SH3PXD2B: variants seen among roughly 807,000 people sequenced by gnomAD.
SH3PXD2B encodes SH3 and PX domain-containing protein 2B.
In SH3PXD2B, 37 loss-of-function variants were observed where a neutral mutation model predicts 73.1. That is an observed-to-expected ratio of 0.51 (90% CI 0.39 to 0.67). SH3PXD2B has a LOEUF of 0.67. Ranked by LOEUF, SH3PXD2B falls within the 30% of genes least tolerant of loss-of-function variation. SH3PXD2B has a pLI of 0.00. For synonymous variants in SH3PXD2B, 457 were observed against 480.5 expected, an observed-to-expected ratio of 0.95 and a Z score of 0.64; for missense variants, 1,053 against 1,197.8, an observed-to-expected ratio of 0.88 and a Z score of 1.78.
At chr5:172,363,694 C>T (rs372271627) in intron 6 of SH3PXD2B, among the ~76,000 whole-genome samples, 172 of 151,952 alleles carry the variant, frequency 1.1e-3, no homozygotes, top group African/African-American at 3.9e-3. Context: ...TTGGGGTCTT[C>T]GGGACTGGAA....
At chr5:172,430,176 A>C (rs1348030661) in intron 1 of SH3PXD2B, among the ~76,000 whole-genome samples, 1 of 152,218 alleles carries the variant, frequency 6.6e-6, no homozygotes, top group Non-Finnish European at 1.5e-5. Flanking sequence ...CCATAAAGAG[A>C]AACTGTCAGC....
intron 1 of SH3PXD2B, among the ~76,000 whole-genome samples, chr5:172,439,690 G>GCACACACACACACACACA (rs1488784600): frequency 6.2e-4 from 70 of 113,220 alleles, no homozygotes; most frequent in South Asian, 1.4e-3. Context: ...GCGCACGCGC[G>GCACACACACACACACACA]CGCACACACA....
At chr5:172,348,915 G>A (rs768440092) in intron 10 of SH3PXD2B, among the ~76,000 whole-genome samples, 4 of 151,878 alleles carry the variant, frequency 2.6e-5, no homozygotes, top group Non-Finnish European at 5.9e-5. Context: ...GTCTCACTAT[G>A]TTGCCCAGGC....
At chr5:172,349,486 C>T (rs527654903) in intron 10 of SH3PXD2B, among the ~76,000 whole-genome samples, 7 of 152,218 alleles carry the variant, frequency 4.6e-5, no homozygotes, top group South Asian at 2.1e-4. Flanking sequence ...AAAATATACA[C>T]GAGGAGGCTT....
chr5:172,419,940 C>G (rs556650524), intron 2 of SH3PXD2B, among the ~76,000 whole-genome samples: 1 of 152,346 alleles, frequency 6.6e-6, no homozygotes, highest in Admixed American at 6.5e-5. Flanking sequence ...CTAACACTCA[C>G]TCTTTGAAGA....
chr5:172,381,920 G>A, intron 5 of SH3PXD2B, 116 bp downstream of exon 5: 1 of 725,560 alleles, frequency 1.4e-6, no homozygotes, highest in Non-Finnish European at 2.4e-6. Context: ...CGGTCTCACA[G>A]GGGCTCAGCC....
At position 172,336,312 on chromosome 5, in the gene SH3PXD2B, A is replaced by G. The variant is rs28639552; in HGVS notation, c.*2057T>C. ...GAAAACTGCCATGGGGCCTCCTCTC[A>G]AGGGAGGGGACCCTCAAGCGGTGGC... On this transcript the variant is annotated 3_prime_UTR_variant, in exon 13 of 13. Transcript: ENST00000311601. The G allele has an allele frequency of 0.012, 12,185 of 985,480 alleles. 495 individuals are homozygous for G. In the African/African-American group the frequency reaches 0.13, roughly 10 times the overall value. The allele number at this position is 985,480 out of a possible 1,614,324, so 61.0% of individuals were successfully genotyped here.
At position 172,338,013 on chromosome 5, in the gene SH3PXD2B, G is replaced by A; in HGVS notation, c.*356C>T. 2.5e-6 allele frequency: 3 copies of A among 1,209,320 alleles called. No homozygotes were observed. Among genetic ancestry groups the A allele is most frequent in the Non-Finnish European group, 3.1e-6 (3 of 963,340 alleles). 74.9% of individuals were successfully genotyped at this position (1,209,320 alleles called of 1,614,324 possible). ...TCCAAGCCATGAGAGACCCTTGCTG[G>A]AGTTTCTCCAGGCAATGGGATCCAG... On this transcript the variant is annotated 3_prime_UTR_variant, in exon 13 of 13. Coordinates refer to ENST00000311601, the MANE Select transcript of SH3PXD2B (RefSeq NM_001017995.3). This position sits in a 1 kb window ranked among gnomAD's most constrained non-coding sequence, Gnocchi z 5.1.
intron 2 of SH3PXD2B, among the ~76,000 whole-genome samples, chr5:172,415,743 G>A (rs928086632): frequency 2.6e-5 from 4 of 152,190 alleles, no homozygotes; most frequent in Admixed American, 2.0e-4. Context: ...CTGCCTGGAT[G>A]CCAATTTCCT....
chr5:172,441,120 C>A (rs188631199), intron 1 of SH3PXD2B, among the ~76,000 whole-genome samples: 41 of 152,274 alleles, frequency 2.7e-4, no homozygotes, highest in Admixed American at 2.5e-3. Flanking sequence ...ATCCCAGGGG[C>A]TAGAGGATCT....
chr5:172,419,091 A>G (rs951548406), intron 2 of SH3PXD2B, among the ~76,000 whole-genome samples: 1 of 152,152 alleles, frequency 6.6e-6, no homozygotes, highest in African/African-American at 2.4e-5. Context: ...TACTATGCAG[A>G]TGAGGAGGCT....
intron 1 of SH3PXD2B, among the ~76,000 whole-genome samples, chr5:172,423,550 G>GC (rs1296185872): frequency 1.4e-5 from 2 of 145,930 alleles, no homozygotes; most frequent in African/African-American, 2.6e-5. Flanking sequence ...GGGGTTGGGG[G>GC]GGGGGGCGCA....
chr5:172,416,696 CTTTTTTTTTTTTTTT>C (rs202242720), intron 2 of SH3PXD2B, among the ~76,000 whole-genome samples: 31,441 of 64,630 alleles, frequency 0.49, 5,347 homozygotes, highest in East Asian at 0.69. Flanking sequence ...CTCTCTCTCT[CTTTTTTTTTTTTTTT>C]TTTTTTTTTT....
At chr5:172,358,953 C>T (rs1561902810) in intron 7 of SH3PXD2B, 76 bp from the exon 8 acceptor site, 2 of 1,358,066 alleles carry the variant, frequency 1.5e-6, no homozygotes, top group Admixed American at 1.9e-5. Flanking sequence ...ATAATCTATT[C>T]AGCCACTGTA....
chr5:172,351,716 GGC>G (rs1325141250), intron 9 of SH3PXD2B, among the ~76,000 whole-genome samples: 1 of 152,090 alleles, frequency 6.6e-6, no homozygotes, highest in Non-Finnish European at 1.5e-5. Flanking sequence ...CAGACCCAAT[GGC>G]AGGGCTGAAT....
At chr5:172,381,279 A>G (rs944211875) in intron 5 of SH3PXD2B, among the ~76,000 whole-genome samples, 6 of 151,998 alleles carry the variant, frequency 3.9e-5, no homozygotes, top group African/African-American at 7.3e-5. Flanking sequence ...GCCCAGACGG[A>G]CCCCAAACTC....
At position 172,346,199 on chromosome 5, in the gene SH3PXD2B, G is replaced by A; in HGVS notation, c.1125C>T (p.Thr375=). Residue 375 remains threonine (T), a synonymous_variant, in exon 12 of 13, where the codon ACC becomes ACT. Transcript: ENST00000311601. Reference sequence around the variant, plus strand: ...GGATGGTTGTCTGGAATTCGGCGATGGTGTAATACTCTTCCTCCACTTGGG... The same window carrying A: ...GGATGGTTGTCTGGAATTCGGCGATAGTGTAATACTCTTCCTCCACTTGGG... ...IPPQVEEEYY[T]IAEFQTTIPD... 6 of 1,614,162 alleles carry A rather than the reference G, an allele frequency of 3.7e-6. No individual in the cohort carries two copies. The highest frequency in any genetic ancestry group is 5.1e-6 in the Non-Finnish European group (6 of 1,180,028).
chr5:172,409,186 A>C (rs1758631801), intron 2 of SH3PXD2B, among the ~76,000 whole-genome samples: 1 of 152,134 alleles, frequency 6.6e-6, no homozygotes, highest in Non-Finnish European at 1.5e-5. Context: ...GATCGAGACC[A>C]GCCTGACTAA....
chr5:172,382,153 G>A (rs969659224), intron 4 of SH3PXD2B, 26 bp from the exon 5 acceptor site: 3 of 1,571,494 alleles, frequency 1.9e-6, no homozygotes, highest in Non-Finnish European at 2.6e-6. Context: ...GCAGGTGAGT[G>A]CAAAGGAGGA....
Sources: allele counts gnomAD v4.1 joint callset (sites outside exome capture counted in the v4.1 genomes callset), GRCh38; gene constraint gnomAD v4.1.1; non-coding constraint Gnocchi (gnomAD v3.1); transcripts MANE v1.5; gene names NCBI Gene and HGNC (gene_info 2026-07-23, HGNC 2026-07-21).